The following SLC5A4 variants were observed in gnomAD, a reference collection of about 807,000 sequenced individuals.
The protein encoded by SLC5A4 is solute carrier family 5 member 4.
Under a neutral mutation model 70.3 loss-of-function variants are expected in SLC5A4, and 55 were observed. The ratio of observed to expected loss-of-function variants is 0.78; its 90% confidence interval spans 0.63 to 0.98. SLC5A4 has a LOEUF of 0.98. Among genes scored for constraint, SLC5A4 ranks in the 50% least tolerant of loss-of-function variants. SLC5A4 has a pLI of 0.00. For missense variants in SLC5A4, 735 were observed against 839.2 expected, an observed-to-expected ratio of 0.88 and a Z score of 1.53; for synonymous variants, 268 against 305.7, an observed-to-expected ratio of 0.88 and a Z score of 1.29.
Position 32,251,987 on chromosome 22 carries a change from T to G in SLC5A4, c.208-113A>C, listed in dbSNP as rs1461102679. ...GCTCACGCCTGTAATCCCAGCACTT[T>G]GGGAGGCTGAGGCGGGTGGATCACA... On this transcript the variant is annotated intron_variant, in intron 2 of 14. Coordinates refer to ENST00000266086, the MANE Select transcript of SLC5A4 (RefSeq NM_014227.3). The G allele has an allele frequency of 5.6e-6, 4 of 718,126 alleles. No homozygotes were observed. In the East Asian group the frequency reaches 1.1e-4, roughly 19 times the overall value. 44.5% of individuals were successfully genotyped at this position (718,126 alleles called of 1,614,324 possible).
chr22:32,251,700 G>A (rs761447794), intron 3 of SLC5A4, 70 bp downstream of exon 3: 4 of 909,658 alleles, frequency 4.4e-6, no homozygotes, highest in Non-Finnish European at 7.4e-6. Flanking sequence ...TTCTGTCATA[G>A]CAGCATAAAA....
chr22:32,342,183 C>T, the SLC5A4 span, among the ~76,000 whole-genome samples: 92 of 152,148 alleles, frequency 6.0e-4, no homozygotes, highest in Non-Finnish European at 4.0e-4. Flanking sequence ...CACATTATAA[C>T]TAAAACATGA....
the SLC5A4 span, among the ~76,000 whole-genome samples, chr22:32,354,270 C>T: frequency 4.0e-5 from 6 of 149,130 alleles, no homozygotes; most frequent in African/African-American, 1.5e-4. Context: ...AGTGTAGGCC[C>T]CAGAAAGCGC....
chr22:32,345,074 AC>A, the SLC5A4 span, among the ~76,000 whole-genome samples: 4 of 152,210 alleles, frequency 2.6e-5, no homozygotes, highest in African/African-American at 7.2e-5. Flanking sequence ...CTGACTGATA[AC>A]CACATTTTCA....
chr22:32,304,440 CTTG>C, the SLC5A4 span, among the ~76,000 whole-genome samples: 2 of 114,440 alleles, frequency 1.7e-5, no homozygotes, highest in African/African-American at 3.2e-5. Context: ...CCATGCCCAG[CTTG>C]TTTTTTCTTT....
chr22:32,338,200 A>T, the SLC5A4 span, among the ~76,000 whole-genome samples: 8 of 152,232 alleles, frequency 5.3e-5, no homozygotes, highest in African/African-American at 1.9e-4. Flanking sequence ...TACACAGACA[A>T]GAACACCAAG....
chr22:32,221,548 T>C (rs920889750), intron 13 of SLC5A4, among the ~76,000 whole-genome samples: 4 of 152,218 alleles, frequency 2.6e-5, no homozygotes, highest in African/African-American at 9.6e-5. Context: ...CTGTCAGCTA[T>C]ACCATTATTT....
the SLC5A4 span, among the ~76,000 whole-genome samples, chr22:32,333,206 C>CA: frequency 6.3e-4 from 95 of 150,494 alleles, no homozygotes; most frequent in South Asian, 1.5e-3. Flanking sequence ...ACCCCCCCCC[C>CA]AGAAGACTCA....
At chr22:32,248,683 C>T in intron 4 of SLC5A4, 60 bp downstream of exon 4, 2 of 1,133,172 alleles carry the variant, frequency 1.8e-6, no homozygotes, top group East Asian at 2.3e-5. Flanking sequence ...GATTGATCTT[C>T]TGTGCAGTGA....
At chr22:32,285,919 G>A in the SLC5A4 span, among the ~76,000 whole-genome samples, 2 of 151,980 alleles carry the variant, frequency 1.3e-5, no homozygotes, top group East Asian at 3.9e-4. Context: ...TGTATTTTTA[G>A]TAGAGACGGG....
the SLC5A4 span, among the ~76,000 whole-genome samples, chr22:32,339,190 TCGTAG>T: frequency 6.6e-6 from 1 of 152,174 alleles, no homozygotes; most frequent in Non-Finnish European, 1.5e-5. Flanking sequence ...CGCAAAGCAG[TCGTAG>T]CTGCGTGTGA....
chr22:32,246,144 C>T (rs2145691821), intron 5 of SLC5A4, among the ~76,000 whole-genome samples: 1 of 152,340 alleles, frequency 6.6e-6, no homozygotes, highest in South Asian at 2.1e-4. Flanking sequence ...CTAATTGTTT[C>T]ATGTGCAGAA....
At chr22:32,269,187 G>A in the SLC5A4 span, among the ~76,000 whole-genome samples, 35 of 152,198 alleles carry the variant, frequency 2.3e-4, no homozygotes, top group South Asian at 5.8e-3. This position sits in a 1 kb window ranked among gnomAD's most constrained non-coding sequence, Gnocchi z 4.1. Flanking sequence ...CACCACGAGC[G>A]GCTGCATGTT....
chr22:32,353,097 A>G, the SLC5A4 span, among the ~76,000 whole-genome samples: 1 of 152,168 alleles, frequency 6.6e-6, no homozygotes, highest in Non-Finnish European at 1.5e-5. Flanking sequence ...GGTTTCAGCG[A>G]AGGCACTCAC....
the SLC5A4 span, among the ~76,000 whole-genome samples, chr22:32,337,676 T>A: frequency 2.6e-5 from 4 of 152,148 alleles, no homozygotes; most frequent in African/African-American, 9.7e-5. Context: ...TGGTCAACAT[T>A]TAACAACCTG....
chr22:32,303,179 G>T, the SLC5A4 span, among the ~76,000 whole-genome samples: 2 of 152,156 alleles, frequency 1.3e-5, no homozygotes, highest in Non-Finnish European at 2.9e-5. Flanking sequence ...AGATCCTCAC[G>T]ACACGTGTCC....
At chr22:32,251,725 G>T (rs1214609129) in intron 3 of SLC5A4, 45 bp downstream of exon 3, 1 of 1,121,838 alleles carries the variant, frequency 8.9e-7, no homozygotes, top group Admixed American at 1.7e-5. Context: ...CTAAGACACT[G>T]GATATGGTTT....
At chr22:32,339,519 G>A in the SLC5A4 span, among the ~76,000 whole-genome samples, 5 of 152,142 alleles carry the variant, frequency 3.3e-5, no homozygotes, top group South Asian at 4.1e-4. Context: ...GGAGGTGTTC[G>A]ACGTAAACTC....
chr22:32,229,849 C>G (rs192033999), intron 10 of SLC5A4, among the ~76,000 whole-genome samples: 146 of 152,188 alleles, frequency 9.6e-4, no homozygotes, highest in Non-Finnish European at 1.8e-3. Flanking sequence ...CAGATTAAAG[C>G]AAAAAGAATT....
Sources: allele counts gnomAD v4.1 joint callset (sites outside exome capture counted in the v4.1 genomes callset), GRCh38; gene constraint gnomAD v4.1.1; non-coding constraint Gnocchi (gnomAD v3.1); transcripts MANE v1.5; gene names NCBI Gene and HGNC (gene_info 2026-07-23, HGNC 2026-07-21).